Variants in ZNF331 observed in about 807,000 individuals in gnomAD.
ZNF331 encodes the protein C2H2-like zinc finger protein rearranged in thyroid adenomas.
ZNF331 carries 2 observed loss-of-function variants against 7.0 expected under a neutral mutation model. That is an observed-to-expected ratio of 0.29 (90% CI 0.12 to 0.90). The LOEUF (loss-of-function observed/expected upper bound fraction) is 0.90. Ranked by LOEUF, ZNF331 falls within the 40% of genes least tolerant of loss-of-function variation. The probability of loss-of-function intolerance (pLI) is 0.58; values close to 1 mark genes in which losing one functional copy is unlikely to be tolerated. For missense variants in ZNF331, 432 were observed against 587.7 expected (o/e 0.74, Z 2.74); for synonymous variants, 196 against 205.4 (o/e 0.95, Z 0.39).
chr19:53,562,857 G>A lies in ZNF331; in HGVS notation c.-73-6447G>A, dbSNP rs557788679. Among the ~76,000 whole-genome samples the A allele has an allele frequency of 2.2e-3, 333 of 151,142 alleles. 1 individual carries two copies. Among genetic ancestry groups the A allele is most frequent in the African/African-American group, 7.1e-3 (294 of 41,194 alleles). On this transcript the variant is annotated intron_variant, in intron 3 of 5. Transcript: ENST00000449416. Reference sequence around the variant, plus strand: ...ACAAAAAATAGCCGGGCATGGTGACGCATGCCTGTAATCCCAGCTACTCAG... The same window carrying A: ...ACAAAAAATAGCCGGGCATGGTGACACATGCCTGTAATCCCAGCTACTCAG...
At chr19:53,521,608 G>T (rs545268952) in exon 1 of ZNF331, 25 of 152,720 alleles carry the variant, frequency 1.6e-4, no homozygotes, top group African/African-American at 6.0e-4. Flanking sequence ...CTGCACCTCC[G>T]TTCTGTGCGA....
At chr19:53,521,331 A>ATTGAGTGTGT (rs1555748069) in exon 1 of ZNF331, 8 of 129,114 alleles carry the variant, frequency 6.2e-5, no homozygotes, top group African/African-American at 2.4e-4. Context: ...AGTGTGTGTG[A>ATTGAGTGTGT]GTGTGTGTGT....
In ZNF331 at chr19:53,576,779, T is replaced by G. The variant is rs935482287; in HGVS notation, c.219T>G (p.Asp73Glu). 4.3e-6 allele frequency: 7 copies of G among 1,614,118 alleles called. No individual in the cohort carries two copies. In the East Asian group the frequency reaches 1.6e-4, roughly 36 times the overall value. ...HEIRASKRNS[D>E]RRSKSLGRNW... The stretch of plus-strand genomic sequence containing the variant: ...TAAGGGCTTCCAAAAGGAATTCAGA[T>G]AGAAGAAGTAAATCCCTTGGCCGTA... Residue 73 changes from aspartate to glutamate, a missense_variant, in exon 6 of 6, where the codon GAT (aspartate) becomes GAG (glutamate). Asp to Glu is a conservative substitution (Grantham distance 45). This residue lies in a region of ZNF331 where 81 missense variants were observed against 70.3 expected (regional missense o/e 1.15). Coordinates refer to ENST00000449416, the MANE Select transcript of ZNF331 (RefSeq NM_001079906.2).
chr19:53,503,290 C>T, the ZNF331 span: 41,018 of 357,410 alleles, frequency 0.11, 2,769 homozygotes, highest in African/African-American at 0.19. Flanking sequence ...TACCTCAGCC[C>T]CCACCAAGTA....
At chr19:53,563,097 C>T (rs921580355) in intron 3 of ZNF331, among the ~76,000 whole-genome samples, 1 of 145,814 alleles carries the variant, frequency 6.9e-6, no homozygotes, top group Non-Finnish European at 1.5e-5. Context: ...CCCCCCACCC[C>T]CCGTCCCCGA....
chr19:53,525,772 G>T (rs1259185058), intron 2 of ZNF331, among the ~76,000 whole-genome samples: 1 of 152,096 alleles, frequency 6.6e-6, no homozygotes, highest in Non-Finnish European at 1.5e-5. Context: ...CTTCCTATTT[G>T]ATTGGCTTTT....
Position 53,560,219 on chromosome 19 carries a change from C to T in ZNF331, c.-74+4311C>T, listed in dbSNP as rs986537767. 2.0e-5 allele frequency among the ~76,000 whole-genome samples: 3 copies of T among 148,218 alleles called. No individual in the cohort carries two copies. Among genetic ancestry groups the T allele is most frequent in the African/African-American group, 4.9e-5 (2 of 40,862 alleles). On this transcript the variant is annotated intron_variant, in intron 3 of 5. Transcript: ENST00000449416. The surrounding 1 kb of genome is among the most constrained non-coding windows in gnomAD (Gnocchi z 4.3). ...TATACACACACCATATATATACACA[C>T]ATATATACACATCCACACCATATAT... is the stretch of plus-strand genomic sequence containing the variant.
intron 3 of ZNF331, among the ~76,000 whole-genome samples, chr19:53,565,590 G>A (rs10403130): frequency 2.0e-5 from 3 of 151,830 alleles, no homozygotes; most frequent in Non-Finnish European, 2.9e-5. Flanking sequence ...GCAGTGGCAC[G>A]ATCTGGGCTC....
chr19:53,580,001 C>T lies in ZNF331; in HGVS notation c.*2049C>T, dbSNP rs2090865770. On this transcript the variant is annotated 3_prime_UTR_variant, in exon 6 of 6. Transcript: ENST00000449416. ...AGTGAAAATGTATTCAATGTCATTG[C>T]TCCTCAAGGAACTGTAGAGTAAAAC... 9.6e-6 allele frequency: 2 copies of T among 209,162 alleles called. No individual in the cohort carries two copies. Among genetic ancestry groups the T allele is most frequent in the African/African-American group, 4.5e-5 (2 of 44,012 alleles). 13.0% of individuals were successfully genotyped at this position (209,162 alleles called of 1,614,324 possible). A position where few individuals can be genotyped will look rare whatever the true frequency, so the allele number is the denominator to read the frequency against.
chr19:53,505,568 G>T, the ZNF331 span, among the ~76,000 whole-genome samples: 19 of 152,210 alleles, frequency 1.2e-4, no homozygotes, highest in African/African-American at 3.6e-4. Flanking sequence ...AGCAAGAAGG[G>T]TCAGTAGACG....
intron 5 of ZNF331, among the ~76,000 whole-genome samples, chr19:53,575,598 C>T (rs891461585): frequency 6.7e-6 from 1 of 148,156 alleles, no homozygotes; most frequent in African/African-American, 2.5e-5. Flanking sequence ...CTCAGCCTCC[C>T]AAGTAGCTGG....
At chr19:53,529,013 C>T (rs1392900204) in intron 2 of ZNF331, among the ~76,000 whole-genome samples, 1 of 152,152 alleles carries the variant, frequency 6.6e-6, no homozygotes, top group Non-Finnish European at 1.5e-5. Context: ...TCTCAAACAA[C>T]TGACCTCAGG....
chr19:53,529,732 A>G (rs552857493), intron 2 of ZNF331, among the ~76,000 whole-genome samples: 3 of 152,316 alleles, frequency 2.0e-5, no homozygotes, highest in African/African-American at 7.2e-5. Context: ...CAGTACGCCA[A>G]ACTCTGTGAT....
chr19:53,506,227 C>T, the ZNF331 span, among the ~76,000 whole-genome samples: 24 of 125,406 alleles, frequency 1.9e-4, no homozygotes, highest in South Asian at 8.4e-4. Flanking sequence ...CCCAGCTACT[C>T]GGGAGGCTGA....
At chr19:53,572,936 C>T (rs1453155382) in intron 5 of ZNF331, among the ~76,000 whole-genome samples, 6 of 151,984 alleles carry the variant, frequency 3.9e-5, no homozygotes, top group African/African-American at 1.2e-4. Flanking sequence ...GACCTTTTCT[C>T]GGCCAGGCGC....
chr19:53,549,951 C>T (rs2088876916), intron 2 of ZNF331, among the ~76,000 whole-genome samples: 1 of 152,238 alleles, frequency 6.6e-6, no homozygotes, highest in South Asian at 2.1e-4. Flanking sequence ...TTTACATTTA[C>T]GTTTGTCTCA....
Position 53,571,979 on chromosome 19 carries a change from C to G in ZNF331, c.136+249C>G, listed in dbSNP as rs2090466191. Among the ~76,000 whole-genome samples, 1 of 152,130 alleles carries G rather than the reference C, an allele frequency of 6.6e-6. No homozygotes were observed. The highest frequency in any genetic ancestry group is 2.1e-4 in the South Asian group (1 of 4,834). The stretch of plus-strand genomic sequence containing the variant: ...AATGTCCGTGGAATGAGTGGGAATT[C>G]TGGGATATTTATTTCATGACCATCT... On this transcript the variant is annotated intron_variant, in intron 5 of 5. Coordinates refer to ENST00000449416, the MANE Select transcript of ZNF331 (RefSeq NM_001079906.2). This position sits in a 1 kb window ranked among gnomAD's most constrained non-coding sequence, Gnocchi z 4.7.
chr19:53,549,990 C>T (rs2147405226), intron 2 of ZNF331, among the ~76,000 whole-genome samples: 2 of 152,290 alleles, frequency 1.3e-5, no homozygotes, highest in Middle Eastern at 6.8e-3. Context: ...TTCCCTGGCC[C>T]ATTGGTTGTT....
At chr19:53,538,932 G>A (rs1036019903) in intron 1 of ZNF331, 2 of 152,402 alleles carry the variant, frequency 1.3e-5, no homozygotes, top group African/African-American at 4.8e-5. Context: ...TCACCAGCAA[G>A]AAGGCAGAAA....
Sources: gnomAD v4.1 joint callset for allele counts (sites outside exome capture counted in the v4.1 genomes callset) on GRCh38, gnomAD v4.1.1 for gene constraint, gnomAD v4.1.1 regional missense constraint, Gnocchi (gnomAD v3.1) non-coding constraint, MANE v1.5 for transcripts, NCBI Gene and HGNC (gene_info 2026-07-23, HGNC 2026-07-21) for gene names.